The following AK8 variants were observed in gnomAD, a reference collection of about 807,000 sequenced individuals.
AK8 encodes the protein adenylate kinase 8.
AK8 carries 44 observed loss-of-function variants against 54.6 expected under a neutral mutation model. That is an observed-to-expected ratio of 0.81 (90% CI 0.63 to 1.04). The LOEUF (loss-of-function observed/expected upper bound fraction) is 1.04, where lower values mean the gene tolerates loss of function less well. Ranked by LOEUF, AK8 falls within the 50% of genes least tolerant of loss-of-function variation. AK8 has a pLI of 0.00. For missense variants in AK8, 555 were observed against 613.6 expected (o/e 0.90, Z 1.01); for synonymous variants, 239 against 245.6 (o/e 0.97, Z 0.25).
Position 132,855,022 on chromosome 9 carries a change from T to TG in AK8, c.334-98dup, listed in dbSNP as rs1843121258. On this transcript the variant is annotated intron_variant, in intron 4 of 12. Transcript: ENST00000298545. ...CACCCTTCACCAACGCCCTGGCCTC[T>TG]GGAAAGCACCGACCACCATCGGGCC... is the stretch of plus-strand genomic sequence containing the variant. 5 of 1,308,550 alleles carry TG rather than the reference T, an allele frequency of 3.8e-6. No homozygotes were observed. The African/African-American group carries it at 5.8e-5, about 15-fold the overall frequency. 81.1% of individuals were successfully genotyped at this position (1,308,550 alleles called of 1,614,324 possible).
At chr9:132,812,570 T>TGCGCCC in intron 10 of AK8, among the ~76,000 whole-genome samples, 1 of 1,442 alleles carries the variant, frequency 6.9e-4, no homozygotes, top group African/African-American at 4.0e-3. Context: ...GCCCGGCCGC[T>TGCGCCC]AGGTGGATTT....
chr9:132,776,680 C>G (rs1839235190), intron 11 of AK8, among the ~76,000 whole-genome samples: 1 of 152,184 alleles, frequency 6.6e-6, no homozygotes, highest in African/African-American at 2.4e-5. Context: ...TCTTCAAGGC[C>G]ACCTCCATGA....
chr9:132,828,063 G>A lies in AK8; in HGVS notation c.506C>T (p.Thr169Met), dbSNP rs114347984. 25 of 1,573,634 alleles carry A rather than the reference G, an allele frequency of 1.6e-5. No homozygotes were observed. Among genetic ancestry groups the A allele is most frequent in the East Asian group, 1.2e-4 (5 of 43,144 alleles). Reference sequence around the variant, plus strand: ...CCCCAAGTTTCTCTCGATCAGGACCGTGTCTGGAGCACTCAGCACAACTGG... The same window carrying A: ...CCCCAAGTTTCTCTCGATCAGGACCATGTCTGGAGCACTCAGCACAACTGG... Reference protein sequence around the residue: ...RHVIVLSAPDTVLIERNLGKR... With the variant: ...RHVIVLSAPDMVLIERNLGKR... Residue 169 changes from threonine to methionine, a missense_variant, in exon 7 of 13, where the codon ACG (threonine) becomes ATG (methionine). Physicochemically the swap from Thr to Met is moderately conservative, Grantham distance 81 (BLOSUM62 -1). Coordinates refer to ENST00000298545, the MANE Select transcript of AK8 (RefSeq NM_152572.3).
intron 10 of AK8, among the ~76,000 whole-genome samples, chr9:132,808,177 T>C (rs1363173773): frequency 6.6e-6 from 1 of 151,918 alleles, no homozygotes; most frequent in Non-Finnish European, 1.5e-5. Context: ...CCCTGGCAAC[T>C]AAGGCTGCAT....
chr9:132,739,215 C>T (rs1212933772), intron 11 of AK8, among the ~76,000 whole-genome samples: 5 of 151,094 alleles, frequency 3.3e-5, no homozygotes, highest in Admixed American at 6.6e-5. Context: ...TTTGGGAGGC[C>T]GAGGCAGGTG....
At chr9:132,726,306 T>G (rs1157618401) in intron 12 of AK8, among the ~76,000 whole-genome samples, 1 of 139,970 alleles carries the variant, frequency 7.1e-6, no homozygotes, top group Non-Finnish European at 1.6e-5. Flanking sequence ...TTCCTTTCTC[T>G]TCTTCTTCCT....
chr9:132,801,965 A>G (rs930275448), intron 10 of AK8, among the ~76,000 whole-genome samples: 1 of 152,200 alleles, frequency 6.6e-6, no homozygotes, highest in Non-Finnish European at 1.5e-5. Context: ...CCTGACTTTT[A>G]GGAGGACGAG....
intron 5 of AK8, among the ~76,000 whole-genome samples, chr9:132,850,460 G>T (rs1420769466): frequency 1.4e-5 from 2 of 146,876 alleles, no homozygotes; most frequent in African/African-American, 5.1e-5. Flanking sequence ...GCAGTGGCGT[G>T]ATGTTGGCTC....
intron 11 of AK8, among the ~76,000 whole-genome samples, chr9:132,747,701 G>A (rs1837720717): frequency 6.6e-6 from 1 of 150,878 alleles, no homozygotes; most frequent in African/African-American, 2.4e-5. Flanking sequence ...AAAGTGCTGG[G>A]ATTACAGGTG....
intron 11 of AK8, among the ~76,000 whole-genome samples, chr9:132,743,613 T>G (rs1837497450): frequency 6.6e-6 from 1 of 152,238 alleles, no homozygotes; most frequent in Non-Finnish European, 1.5e-5. Flanking sequence ...CAGCTGGAGC[T>G]TTTCCATGAA....
rs569000339 is a variant in AK8 at position 132,803,967 on chromosome 9, G to A, written c.979+10671C>T. The stretch of plus-strand genomic sequence containing the variant: ...CTAAAAATACAAAAATTAGCCGGGC[G>A]TGGTGGTGGGCGCCTGTAGTCCCAG... On this transcript the variant is annotated intron_variant, in intron 10 of 12. Transcript: ENST00000298545. This position sits in a 1 kb window ranked among gnomAD's most constrained non-coding sequence, Gnocchi z 4.4. Among the ~76,000 whole-genome samples, 27 of 152,060 alleles carry A rather than the reference G, an allele frequency of 1.8e-4. No homozygotes were observed. The East Asian group carries it at 2.7e-3, about 15-fold the overall frequency.
intron 11 of AK8, among the ~76,000 whole-genome samples, chr9:132,733,486 G>A (rs139625917): frequency 3.4e-4 from 52 of 152,320 alleles, no homozygotes; most frequent in Non-Finnish European, 6.9e-4. Flanking sequence ...TTAACCCAGC[G>A]TACCAAGACT....
chr9:132,744,385 C>T (rs565880858), intron 11 of AK8, among the ~76,000 whole-genome samples: 2 of 148,550 alleles, frequency 1.3e-5, no homozygotes, highest in South Asian at 4.2e-4. Context: ...CAGAGCTCTC[C>T]ACTAAAAAGT....
intron 2 of AK8, among the ~76,000 whole-genome samples, chr9:132,873,120 G>C (rs767530335): frequency 2.6e-5 from 4 of 152,258 alleles, no homozygotes; most frequent in African/African-American, 4.8e-5. Context: ...GCCAATTTTC[G>C]TATTTTTAGT....
chr9:132,807,981 C>A (rs1303205611), intron 10 of AK8, among the ~76,000 whole-genome samples: 1 of 151,860 alleles, frequency 6.6e-6, no homozygotes, highest in African/African-American at 2.4e-5. Context: ...GATCTAGTAG[C>A]GCCTTTGCTT....
At chr9:132,743,567 C>T (rs1423889180) in intron 11 of AK8, among the ~76,000 whole-genome samples, 1 of 152,230 alleles carries the variant, frequency 6.6e-6, no homozygotes, top group Admixed American at 6.5e-5. Flanking sequence ...TCTATATAAA[C>T]GTGCTGCAGA....
At chr9:132,829,863 C>T (rs543066902) in intron 5 of AK8, among the ~76,000 whole-genome samples, 10 of 152,172 alleles carry the variant, frequency 6.6e-5, no homozygotes, top group Non-Finnish European at 1.3e-4. Flanking sequence ...CCTTTACTAA[C>T]TCTTTAAATC....
chr9:132,732,954 C>T lies in AK8; in HGVS notation c.1122-5420G>A, dbSNP rs562386474. 2.6e-5 allele frequency among the ~76,000 whole-genome samples: 4 copies of T among 152,280 alleles called. No homozygotes were observed. The East Asian group carries it at 5.8e-4, about 22-fold the overall frequency. On this transcript the variant is annotated intron_variant, in intron 11 of 12. Transcript: ENST00000298545. ...CCTGAGCCACAATCTCTTTCTCCTTCGAGGCCAGCTTCTCCCGTGGCCTTG... is the reference window on the plus strand; with the variant it reads ...CCTGAGCCACAATCTCTTTCTCCTTTGAGGCCAGCTTCTCCCGTGGCCTTG...
intron 8 of AK8, 129 bp from the exon 9 acceptor site, chr9:132,823,465 T>A: frequency 7.7e-7 from 1 of 1,291,940 alleles, no homozygotes; most frequent in Non-Finnish European, 1.1e-6. Flanking sequence ...ATGGAAGCCC[T>A]CTGTGCATCT....
Sources: allele counts gnomAD v4.1 joint callset (sites outside exome capture counted in the v4.1 genomes callset), GRCh38; gene constraint gnomAD v4.1.1; non-coding constraint Gnocchi (gnomAD v3.1); transcripts MANE v1.5; gene names NCBI Gene and HGNC (gene_info 2026-07-23, HGNC 2026-07-21).